The following KCNK1 variants were observed in gnomAD, a reference collection of about 807,000 sequenced individuals.
The protein encoded by KCNK1 is potassium two pore domain channel subfamily K member 1.
KCNK1 carries 10 observed loss-of-function variants against 22.2 expected under a neutral mutation model. The ratio of observed to expected loss-of-function variants is 0.45; its 90% CI spans 0.28 to 0.76. The LOEUF is 0.76. Ranked by LOEUF, KCNK1 falls within the 30% of genes least tolerant of loss-of-function variation. The probability of loss-of-function intolerance (pLI) is 0.14; values close to 1 mark genes in which losing one functional copy is unlikely to be tolerated. For missense variants in KCNK1, 378 were observed against 421.0 expected, an observed-to-expected ratio of 0.90 and a Z score of 0.89; for synonymous variants, 200 against 186.4, an observed-to-expected ratio of 1.07 and a Z score of -0.60.
rs1347849961 is a variant in KCNK1 at position 233,666,583 on chromosome 1, T to C, written c.356-12T>C. 2.5e-6 allele frequency: 4 copies of C among 1,584,102 alleles called. No individual in the cohort carries two copies. The highest frequency in any genetic ancestry group is 3.5e-5 in the Admixed American group (2 of 56,470). On this transcript the variant is annotated splice_polypyrimidine_tract_variant and intron_variant, in intron 1 of 2. Coordinates refer to ENST00000366621, the MANE Select transcript of KCNK1 (RefSeq NM_002245.4). ...CTTCCTCTTCGCCTCAGTGACCTTG[T>C]TCTCCTTGCAGGTTATGGCCACACC...
intron 1 of KCNK1, among the ~76,000 whole-genome samples, chr1:233,641,645 A>C (rs1434807217): frequency 6.6e-6 from 1 of 152,190 alleles, no homozygotes; most frequent in Non-Finnish European, 1.5e-5. Context: ...TGCTGGGGTC[A>C]GGGAGGAAAT....
chr1:233,664,828 A>G (rs888670197), intron 1 of KCNK1, among the ~76,000 whole-genome samples: 26 of 152,360 alleles, frequency 1.7e-4, no homozygotes, highest in African/African-American at 4.8e-4. Flanking sequence ...TGTATTTTAG[A>G]GATCAGATTT....
chr1:233,643,691 C>T (rs1658041755), intron 1 of KCNK1, among the ~76,000 whole-genome samples: 3 of 151,946 alleles, frequency 2.0e-5, no homozygotes, highest in African/African-American at 7.3e-5. Context: ...CTTCTTCTTA[C>T]TTAGTGCATG....
At chr1:233,628,268 G>A (rs1447821183) in intron 1 of KCNK1, among the ~76,000 whole-genome samples, 3 of 152,164 alleles carry the variant, frequency 2.0e-5, no homozygotes, top group Non-Finnish European at 2.9e-5. Context: ...CCTCGAAGAT[G>A]GAAACAGTAG....
intron 1 of KCNK1, among the ~76,000 whole-genome samples, chr1:233,641,186 C>T (rs1337184765): frequency 6.6e-6 from 1 of 152,200 alleles, no homozygotes; most frequent in Non-Finnish European, 1.5e-5. Context: ...GTATGGCTCT[C>T]ACCAGGTGTT....
In KCNK1 at chr1:233,614,319, G is replaced by T; in HGVS notation, c.148G>T (p.Asp50Tyr). 1 of 1,612,170 alleles carries T rather than the reference G, an allele frequency of 6.2e-7. No individual in the cohort carries two copies. The highest frequency in any genetic ancestry group is 8.5e-7 in the Non-Finnish European group (1 of 1,179,314). ...CTCCTCGGTGGAGCTGCCCTATGAG[G>T]ACCTGCTGCGCCAGGAGCTGCGCAA... Reference protein sequence around the residue: ...VFSSVELPYEDLLRQELRKLK... With the variant: ...VFSSVELPYEYLLRQELRKLK... The change falls in exon 1 of 3, where the codon GAC (aspartate) becomes TAC (tyrosine). Residue 50 changes from aspartate to tyrosine, a missense_variant. Physicochemically the swap from Asp to Tyr is radical, Grantham distance 160. Transcript: ENST00000366621.
chr1:233,622,180 G>T (rs899834630), intron 1 of KCNK1, among the ~76,000 whole-genome samples: 11 of 152,184 alleles, frequency 7.2e-5, no homozygotes, highest in African/African-American at 2.2e-4. Flanking sequence ...TTTGGAGCAT[G>T]TGAATTGCCG....
At position 233,664,073 on chromosome 1, in the gene KCNK1, G is replaced by A. The variant is rs1300466327; in HGVS notation, c.356-2522G>A. Reference sequence around the variant, plus strand: ...TCTCAAACTCCTGACCTCGTGATCCGCCCGCCTCGCCCTCCCAAAGTCCTG... The same window carrying A: ...TCTCAAACTCCTGACCTCGTGATCCACCCGCCTCGCCCTCCCAAAGTCCTG... On this transcript the variant is annotated intron_variant, in intron 1 of 2. Coordinates refer to ENST00000366621, the MANE Select transcript of KCNK1 (RefSeq NM_002245.4). Among the ~76,000 whole-genome samples, 4 of 152,018 alleles carry A rather than the reference G, an allele frequency of 2.6e-5. No individual in the cohort carries two copies. In the East Asian group the frequency reaches 5.8e-4, roughly 22 times the overall value.
At chr1:233,661,523 C>G (rs921366713) in intron 1 of KCNK1, among the ~76,000 whole-genome samples, 1 of 152,212 alleles carries the variant, frequency 6.6e-6, no homozygotes, top group African/African-American at 2.4e-5. Flanking sequence ...AGACCACTTG[C>G]ACCTGCCATG....
chr1:233,661,577 C>T (rs1464904714), intron 1 of KCNK1, among the ~76,000 whole-genome samples: 1 of 152,196 alleles, frequency 6.6e-6, no homozygotes. Flanking sequence ...CCTCCTTGGT[C>T]GCGTGTATTG....
At chr1:233,670,671 C>T (rs748042821) in intron 2 of KCNK1, among the ~76,000 whole-genome samples, 2 of 148,298 alleles carry the variant, frequency 1.3e-5, no homozygotes, top group African/African-American at 5.3e-5. Flanking sequence ...AAAGACTTAC[C>T]CCCATGATTC....
chr1:233,645,864 G>A (rs956051994), intron 1 of KCNK1, among the ~76,000 whole-genome samples: 1 of 152,164 alleles, frequency 6.6e-6, no homozygotes, highest in African/African-American at 2.4e-5. Flanking sequence ...AGAACATTCT[G>A]AAAGTAGAAC....
chr1:233,633,617 A>C (rs527646147), intron 1 of KCNK1, among the ~76,000 whole-genome samples: 82 of 152,220 alleles, frequency 5.4e-4, no homozygotes, highest in Non-Finnish European at 9.1e-4. Flanking sequence ...TGCCCTGTAA[A>C]ATACTAAATT....
At chr1:233,653,726 C>T (rs898652351) in intron 1 of KCNK1, among the ~76,000 whole-genome samples, 12 of 152,102 alleles carry the variant, frequency 7.9e-5, no homozygotes, top group Middle Eastern at 3.2e-3. Flanking sequence ...ATGGTACCAC[C>T]GGCTTTCCTG....
At chr1:233,650,811 A>C (rs1571900081) in intron 1 of KCNK1, among the ~76,000 whole-genome samples, 1 of 151,970 alleles carries the variant, frequency 6.6e-6, no homozygotes, top group Non-Finnish European at 1.5e-5. Flanking sequence ...AAAAAAAAAA[A>C]AACTGTTGAC....
At chr1:233,634,959 C>T (rs1309902407) in intron 1 of KCNK1, among the ~76,000 whole-genome samples, 1 of 152,202 alleles carries the variant, frequency 6.6e-6, no homozygotes, top group Non-Finnish European at 1.5e-5. Context: ...TTATAACCCT[C>T]ACTCGTACTC....
At chr1:233,649,977 T>A (rs1362708178) in intron 1 of KCNK1, 1 of 533,444 alleles carries the variant, frequency 1.9e-6, no homozygotes, top group East Asian at 5.4e-5. Context: ...GGTTAGAAGA[T>A]TGTTGAATCT....
chr1:233,668,642 A>G (rs780079), intron 2 of KCNK1, among the ~76,000 whole-genome samples: 130,279 of 151,910 alleles, frequency 0.86, 55,875 homozygotes, highest in Admixed American at 0.9. Flanking sequence ...TTTCATTCTT[A>G]TTGCCTAGGC....
At chr1:233,667,693 G>A (rs938802130) in intron 2 of KCNK1, among the ~76,000 whole-genome samples, 2 of 122,514 alleles carry the variant, frequency 1.6e-5, no homozygotes, top group Middle Eastern at 6.9e-3. Flanking sequence ...TCGCGCCACT[G>A]CACTCCAGCC....
Sources: gnomAD v4.1 joint callset for allele counts (sites outside exome capture counted in the v4.1 genomes callset) on GRCh38, gnomAD v4.1.1 for gene constraint, MANE v1.5 for transcripts, NCBI Gene and HGNC (gene_info 2026-07-23, HGNC 2026-07-21) for gene names.